The following SHCBP1L variants were observed in gnomAD, a reference collection of about 807,000 sequenced individuals.
The protein encoded by SHCBP1L is SHC binding and spindle associated 1 like.
SHCBP1L carries 67 observed loss-of-function variants against 62.5 expected under a neutral mutation model. The ratio of observed to expected loss-of-function variants is 1.07; its 90% CI spans 0.88 to 1.31. The LOEUF is 1.31. SHCBP1L is among the 40% of genes most tolerant of loss of function. The pLI is 0.00. For missense variants in SHCBP1L, 823 were observed against 809.8 expected (o/e 1.02, Z -0.20); for synonymous variants, 284 against 289.4 (o/e 0.98, Z 0.19).
In SHCBP1L at chr1:182,922,755, T is replaced by C. The variant is rs377450847; in HGVS notation, c.1182+6892A>G. Among the ~76,000 whole-genome samples, 8 of 152,182 alleles carry C rather than the reference T, an allele frequency of 5.3e-5. No individual in the cohort carries two copies. In the East Asian group the frequency reaches 9.7e-4, roughly 18 times the overall value. The stretch of plus-strand genomic sequence containing the variant: ...AAACTCTGAGACACAGCTAAATTAG[T>C]GTTAAGAGGAAAGTTTATTCTGCTA... On this transcript the variant is annotated intron_variant, in intron 6 of 9. Transcript: ENST00000367547.
intron 6 of SHCBP1L, among the ~76,000 whole-genome samples, chr1:182,925,528 A>G (rs575460352): frequency 6.6e-6 from 1 of 152,300 alleles, no homozygotes; most frequent in African/African-American, 2.4e-5. Context: ...GTAATTTTAA[A>G]AATAAAAGAA....
At chr1:182,908,199 G>A (rs1650075219) in intron 6 of SHCBP1L, among the ~76,000 whole-genome samples, 1 of 137,290 alleles carries the variant, frequency 7.3e-6, no homozygotes, top group African/African-American at 2.5e-5. Flanking sequence ...GGTTTACTAT[G>A]TTCGTTTATT....
chr1:182,913,296 G>A lies in SHCBP1L; in HGVS notation c.1183-7647C>T, dbSNP rs551470373. Among the ~76,000 whole-genome samples the A allele has an allele frequency of 2.6e-5, 4 of 152,306 alleles. No homozygotes were observed. In the East Asian group the frequency reaches 5.8e-4, roughly 22 times the overall value. On this transcript the variant is annotated intron_variant, in intron 6 of 9. Transcript: ENST00000367547. ...CTGGAGGCCTAGACTTGTGACTGGT[G>A]TCTGAGGGAGAGGAGCAGTTTTGGA...
At chr1:182,937,874 T>C (rs929596184) in intron 5 of SHCBP1L, among the ~76,000 whole-genome samples, 2 of 152,218 alleles carry the variant, frequency 1.3e-5, no homozygotes, top group Non-Finnish European at 2.9e-5. Flanking sequence ...TCTGTGATAT[T>C]TGCTTTGTTT....
intron 2 of SHCBP1L, among the ~76,000 whole-genome samples, chr1:182,946,034 T>G (rs1651555352): frequency 6.8e-6 from 1 of 147,966 alleles, no homozygotes; most frequent in Non-Finnish European, 1.5e-5. Context: ...CACTCCAGCC[T>G]GGGCAACAGA....
At chr1:182,910,585 G>A (rs1298750024) in intron 6 of SHCBP1L, among the ~76,000 whole-genome samples, 1 of 152,214 alleles carries the variant, frequency 6.6e-6, no homozygotes, top group East Asian at 1.9e-4. Flanking sequence ...ACGAGGGGCT[G>A]AAGAGAAAGA....
intron 2 of SHCBP1L, among the ~76,000 whole-genome samples, chr1:182,942,737 C>T (rs1324473746): frequency 6.6e-6 from 1 of 152,120 alleles, no homozygotes; most frequent in Non-Finnish European, 1.5e-5. Context: ...ACAAACACTT[C>T]CAAAATCTGT....
At chr1:182,926,973 G>T in intron 6 of SHCBP1L, among the ~76,000 whole-genome samples, 1 of 148,900 alleles carries the variant, frequency 6.7e-6, no homozygotes. Flanking sequence ...ATAATTGGTT[G>T]AAAATCACCT....
intron 6 of SHCBP1L, among the ~76,000 whole-genome samples, chr1:182,927,634 T>C (rs867049867): frequency 1.3e-4 from 18 of 138,726 alleles, no homozygotes; most frequent in African/African-American, 4.8e-4. Context: ...ATCACGCCAC[T>C]GCACTCCAGC....
At chr1:182,921,716 G>A (rs932991976) in intron 6 of SHCBP1L, among the ~76,000 whole-genome samples, 4 of 152,130 alleles carry the variant, frequency 2.6e-5, no homozygotes, top group Non-Finnish European at 4.4e-5. Flanking sequence ...GACCAGCTTG[G>A]CCAACATGGC....
chr1:182,924,004 G>T (rs573282936), intron 6 of SHCBP1L, among the ~76,000 whole-genome samples: 3 of 152,060 alleles, frequency 2.0e-5, no homozygotes, highest in Non-Finnish European at 4.4e-5. Context: ...CTACCCAAAA[G>T]CTTCTAGATC....
intron 1 of SHCBP1L, 115 bp downstream of exon 1, chr1:182,952,614 C>G: frequency 7.8e-7 from 1 of 1,285,470 alleles, no homozygotes; most frequent in Non-Finnish European, 1.0e-6. Flanking sequence ...TTTTGAAACG[C>G]AAGTTTTCGT....
At chr1:182,914,869 T>G (rs1005784227) in intron 6 of SHCBP1L, among the ~76,000 whole-genome samples, 12 of 151,916 alleles carry the variant, frequency 7.9e-5, no homozygotes, top group African/African-American at 2.9e-4. Context: ...CTATATGATG[T>G]TACAAGAATC....
At chr1:182,911,155 G>A (rs1223920635) in intron 6 of SHCBP1L, among the ~76,000 whole-genome samples, 1 of 152,150 alleles carries the variant, frequency 6.6e-6, no homozygotes, top group Non-Finnish European at 1.5e-5. Flanking sequence ...CTCCCGAAGT[G>A]CTGGGATTAC....
intron 2 of SHCBP1L, among the ~76,000 whole-genome samples, chr1:182,947,352 C>T (rs1259984199): frequency 6.6e-6 from 1 of 152,082 alleles, no homozygotes; most frequent in East Asian, 1.9e-4. Flanking sequence ...TCCACATTTC[C>T]GATTTTCATA....
chr1:182,906,684 G>A (rs1465279386), intron 6 of SHCBP1L, among the ~76,000 whole-genome samples: 2 of 151,914 alleles, frequency 1.3e-5, no homozygotes, highest in African/African-American at 2.4e-5. Flanking sequence ...CACCTGCCTC[G>A]GCCTCCCAAA....
At chr1:182,946,848 G>C (rs1651583322) in intron 2 of SHCBP1L, among the ~76,000 whole-genome samples, 1 of 152,132 alleles carries the variant, frequency 6.6e-6, no homozygotes. Context: ...TAATTGTCCT[G>C]TCTTCATTCT....
At chr1:182,947,916 A>T (rs1651615174) in intron 2 of SHCBP1L, among the ~76,000 whole-genome samples, 1 of 152,170 alleles carries the variant, frequency 6.6e-6, no homozygotes, top group African/African-American at 2.4e-5. Context: ...ACTTTAAGCG[A>T]TCCTCCTGCC....
rs1219059677 is a variant in SHCBP1L, at chr1:182,951,367, A to G, written c.506T>C (p.Phe169Ser). The G allele has an allele frequency of 1.2e-6, 2 of 1,602,020 alleles. No homozygotes were observed. Among genetic ancestry groups the G allele is most frequent in the Admixed American group, 1.7e-5 (1 of 57,514 alleles). ...GVWKTNPSVFFVKYEEASIPF... is the reference protein window; with the variant it reads ...GVWKTNPSVFSVKYEEASIPF... ...GATAGAAGCTTCTTCATATTTCACA[A>G]AGAATACACTGGGATTAGTCTTCCA... Residue 169 changes from phenylalanine to serine, a missense_variant, in exon 2 of 10, where the codon TTT becomes TCT. By Grantham distance (155) the Phe-to-Ser change is radical (BLOSUM62 -2). Coordinates refer to ENST00000367547, the MANE Select transcript of SHCBP1L (RefSeq NM_030933.4).
Sources: allele counts gnomAD v4.1 joint callset (sites outside exome capture counted in the v4.1 genomes callset), GRCh38; gene constraint gnomAD v4.1.1; transcripts MANE v1.5; gene names NCBI Gene and HGNC (gene_info 2026-07-23, HGNC 2026-07-21).